The following APPL1 variants were observed in gnomAD, a reference collection of about 807,000 sequenced individuals.
APPL1 encodes adaptor protein, phosphotyrosine interacting with PH domain and leucine zipper 1.
Under a neutral mutation model 106.8 loss-of-function variants are expected in APPL1, and 42 were observed. The observed-to-expected ratio is 0.39, with a 90% CI of 0.31 to 0.51. The LOEUF is 0.51. APPL1 is among the 20% of genes least tolerant of loss of function. The pLI is 0.75. For synonymous variants in APPL1, 263 were observed against 281.8 expected, an observed-to-expected ratio of 0.93 and a Z score of 0.67; for missense variants, 769 against 858.2, an observed-to-expected ratio of 0.90 and a Z score of 1.30.
At chr3:57,233,901 G>A (rs2060702220) in intron 1 of APPL1, among the ~76,000 whole-genome samples, 1 of 152,128 alleles carries the variant, frequency 6.6e-6, no homozygotes, top group African/African-American at 2.4e-5. Context: ...GAGCAGCATA[G>A]TGAGACCCTG....
chr3:57,244,266 C>T (rs1046935713), intron 7 of APPL1, among the ~76,000 whole-genome samples: 37 of 152,004 alleles, frequency 2.4e-4, no homozygotes, highest in Admixed American at 2.2e-3. Flanking sequence ...AGTGATCCTC[C>T]TGTTTCAGCC....
chr3:57,259,850 ATTC>A lies in APPL1; in HGVS notation c.1493_1495del (p.Leu498del). 1.3e-6 allele frequency: 2 copies of A among 1,589,222 alleles called. No individual in the cohort carries two copies. Among genetic ancestry groups the A allele is most frequent in the Non-Finnish European group, 1.7e-6 (2 of 1,171,106 alleles). ...TACACCTTGTTCTATTATAGATTCT[ATTC>A]TTCATCAGTTATTTATTGTCCGATT... is the stretch of plus-strand genomic sequence containing the variant. On this transcript the variant is annotated inframe_deletion, in exon 17 of 22. Coordinates refer to ENST00000288266, the MANE Select transcript of APPL1 (RefSeq NM_012096.3).
chr3:57,260,230 G>C (rs911256607), intron 18 of APPL1, 77 bp downstream of exon 18: 2 of 1,425,820 alleles, frequency 1.4e-6, no homozygotes, highest in African/African-American at 2.9e-5. Flanking sequence ...TAATAATCCT[G>C]ATCCTGTATA....
intron 19 of APPL1, 39 bp from the exon 20 acceptor site, chr3:57,267,700 TGTG>T (rs2060902328): frequency 6.3e-7 from 1 of 1,583,184 alleles, no homozygotes; most frequent in African/African-American, 1.3e-5. Flanking sequence ...TTTGCTTTGT[TGTG>T]AGAACTGCCT....
chr3:57,253,712 C>A lies in APPL1; in HGVS notation c.1126C>A (p.Gln376Lys). The A allele has an allele frequency of 1.4e-6, 2 of 1,447,352 alleles. No homozygotes were observed. The highest frequency in any genetic ancestry group is 1.4e-5 in the South Asian group (1 of 71,274). The allele number at this position is 1,447,352 out of a possible 1,614,324, so 89.7% of individuals were successfully genotyped here. The change falls in exon 13 of 22, where the codon CAA becomes AAA. Residue 376 changes from glutamine (Q) to lysine (K), a missense_variant. Physicochemically the swap from Gln to Lys is moderately conservative, Grantham distance 53. Transcript: ENST00000288266. ...WICTINNISK[Q>K]IYLSENPEET... ...CTGTACAATAAACAACATATCTAAA[C>A]AAATATACTTAAGTGAAAATCCAGA...
At chr3:57,239,631 A>C (rs1490076418) in intron 4 of APPL1, among the ~76,000 whole-genome samples, 1 of 152,172 alleles carries the variant, frequency 6.6e-6, no homozygotes, top group Non-Finnish European at 1.5e-5. Context: ...TTCATATACA[A>C]GATTGTTTTT....
In APPL1 at chr3:57,242,084, T is replaced by C. The variant is rs373756123; in HGVS notation, c.374-17T>C. On this transcript the variant is annotated splice_polypyrimidine_tract_variant and intron_variant, in intron 5 of 21. Transcript: ENST00000288266. ...TCATAAATGTGCCAAACTTAAATTA[T>C]TCTTGAACTTTTTCAGAAATACTAA... is the stretch of plus-strand genomic sequence containing the variant. 19 of 1,563,834 alleles carry C rather than the reference T, an allele frequency of 1.2e-5. No homozygotes were observed. Among genetic ancestry groups the C allele is most frequent in the Admixed American group, 3.5e-5 (2 of 57,600 alleles).
chr3:57,262,385 C>CTTTTTTTTTTTTT lies in APPL1; in HGVS notation c.1842+1624_1842+1636dup, dbSNP rs373526618. Among the ~76,000 whole-genome samples the CTTTTTTTTTTTTT allele has an allele frequency of 1.3e-3, 38 of 29,058 alleles. 13 individuals carry two copies. Among genetic ancestry groups the CTTTTTTTTTTTTT allele is most frequent in the South Asian group, 4.4e-3 (2 of 452 alleles). The allele number at this position is 29,058 out of a possible 152,430, so 19.1% of individuals were successfully genotyped here. A position where few individuals can be genotyped will look rare whatever the true frequency, so the allele number is the denominator to read the frequency against. On this transcript the variant is annotated intron_variant, in intron 19 of 21. Coordinates refer to ENST00000288266, the MANE Select transcript of APPL1 (RefSeq NM_012096.3). ...GTTTTTTTTTTCTATGGAAAATAACCTTTTTTTTTTTTTTTTTTTTTTTTT... is the reference window on the plus strand; with the variant it reads ...GTTTTTTTTTTCTATGGAAAATAACCTTTTTTTTTTTTTTTTTTTTTTTTTTTTTTTTTTTTTT...
intron 1 of APPL1, among the ~76,000 whole-genome samples, chr3:57,231,394 A>G (rs1020864047): frequency 2.7e-5 from 4 of 148,920 alleles, no homozygotes; most frequent in African/African-American, 2.5e-5. Flanking sequence ...GGTTTTCACT[A>G]TGTTGGCCAG....
chr3:57,227,729 G>A lies in APPL1; in HGVS notation c.-155G>A, dbSNP rs908576182. The A allele has an allele frequency of 1.4e-5, 8 of 578,520 alleles. No individual in the cohort carries two copies. The highest frequency in any genetic ancestry group is 4.0e-5 in the African/African-American group (2 of 50,594). 35.8% of individuals were successfully genotyped at this position (578,520 alleles called of 1,614,324 possible). A position where few individuals can be genotyped will look rare whatever the true frequency, so the allele number is the denominator to read the frequency against. On this transcript the variant is annotated 5_prime_UTR_variant, in exon 1 of 22. Transcript: ENST00000288266. Reference sequence around the variant, plus strand: ...GGAGGCCGAGGGGGCGGGATTTCCCGCACGGCCGCTCGGCGCCTGGAGAAG... The same window carrying A: ...GGAGGCCGAGGGGGCGGGATTTCCCACACGGCCGCTCGGCGCCTGGAGAAG...
At chr3:57,235,442 T>C (rs772846282) in intron 1 of APPL1, 124 bp from the exon 2 acceptor site, 9 of 529,782 alleles carry the variant, frequency 1.7e-5, no homozygotes, top group Non-Finnish European at 2.9e-5. Context: ...AGAGACAAAA[T>C]AGATTAAAAC....
chr3:57,260,614 GT>G lies in APPL1; in HGVS notation c.1696-10del, dbSNP rs1211857293. ...GTAAGATCTCATGTTTGCTTCTGAT[GT>G]TTTCTGTGGCAGTTTCCATTACCTT... On this transcript the variant is annotated splice_polypyrimidine_tract_variant and intron_variant, in intron 18 of 21. Coordinates refer to ENST00000288266, the MANE Select transcript of APPL1 (RefSeq NM_012096.3). 1.3e-6 allele frequency: 2 copies of G among 1,597,534 alleles called. No individual in the cohort carries two copies. Among genetic ancestry groups the G allele is most frequent in the African/African-American group, 2.7e-5 (2 of 74,690 alleles).
At chr3:57,235,398 CA>C (rs200835898) in intron 1 of APPL1, among the ~76,000 whole-genome samples, 167 bp from the exon 2 acceptor site, 52 of 139,022 alleles carry the variant, frequency 3.7e-4, no homozygotes, top group East Asian at 3.7e-3. Flanking sequence ...AAACTAAGAA[CA>C]AAAAAAAAAG....
At chr3:57,255,843 A>G (rs1195739380) in intron 13 of APPL1, among the ~76,000 whole-genome samples, 1 of 152,200 alleles carries the variant, frequency 6.6e-6, no homozygotes, top group Non-Finnish European at 1.5e-5. Flanking sequence ...TAGGTCATAC[A>G]GTGTTTGGAT....
chr3:57,253,878 T>G (rs2107605608), intron 13 of APPL1, 140 bp downstream of exon 13: 1 of 736,218 alleles, frequency 1.4e-6, no homozygotes, highest in Admixed American at 5.0e-5. Context: ...TTTTTTTTTT[T>G]TTGAGACAGA....
chr3:57,260,051 A>G, intron 17 of APPL1, 32 bp downstream of exon 17: 1 of 1,608,098 alleles, frequency 6.2e-7, no homozygotes, highest in Non-Finnish European at 8.5e-7. Context: ...AAAACTGTAG[A>G]AAAAACATTT....
rs751994287 is a variant in APPL1 at position 57,238,054 on chromosome 3, T to C, written c.223T>C (p.Leu75=). The change falls in exon 4 of 22, where the codon TTG becomes CTG. Residue 75 remains leucine, a synonymous_variant. Coordinates refer to ENST00000288266, the MANE Select transcript of APPL1 (RefSeq NM_012096.3). ...GTTTCTTGCTTTTCAGCGTTTTCCA[T>C]TGGGAGGTGATGATGAAGTTATGAG... The part of the protein sequence containing the change: ...LKEYEKQRFP[L]GGDDEVMSST... 44 of 1,609,976 alleles carry C rather than the reference T, an allele frequency of 2.7e-5. No homozygotes were observed. Among genetic ancestry groups the C allele is most frequent in the African/African-American group, 5.3e-5 (4 of 74,794 alleles).
intron 11 of APPL1, among the ~76,000 whole-genome samples, chr3:57,251,524 C>CAAAA (rs75189556): frequency 1.8e-4 from 13 of 70,932 alleles, no homozygotes; most frequent in Non-Finnish European, 4.0e-4. Flanking sequence ...GACTTTGTCT[C>CAAAA]AAAAAAAAAA....
rs1477595239 is a variant in APPL1, at chr3:57,248,186, G to C, written c.705-7G>C. 8.7e-6 allele frequency: 14 copies of C among 1,610,504 alleles called. No homozygotes were observed. Among genetic ancestry groups the C allele is most frequent in the East Asian group, 2.2e-5 (1 of 44,854 alleles). ...TGATTTGTAGCAAATAATCTGTTCTGTGTCAGTGTTCGCAGGGAAATGGAC... is the reference window on the plus strand; with the variant it reads ...TGATTTGTAGCAAATAATCTGTTCTCTGTCAGTGTTCGCAGGGAAATGGAC... On this transcript the variant is annotated splice_polypyrimidine_tract_variant and splice_region_variant and intron_variant, in intron 9 of 21. Coordinates refer to ENST00000288266, the MANE Select transcript of APPL1 (RefSeq NM_012096.3).
Sources: allele counts gnomAD v4.1 joint callset (sites outside exome capture counted in the v4.1 genomes callset), GRCh38; gene constraint gnomAD v4.1.1; transcripts MANE v1.5; gene names NCBI Gene and HGNC (gene_info 2026-07-23, HGNC 2026-07-21).